Variants in BAZ2B observed in about 807,000 individuals in gnomAD.
BAZ2B encodes the protein bromodomain adjacent to zinc finger domain 2B, also known as bromodomain adjacent to zinc finger domain protein 2B.
A neutral mutation model predicts 246.0 loss-of-function variants in BAZ2B; 91 were observed. That is an observed-to-expected ratio of 0.37 (90% CI 0.31 to 0.44). The LOEUF is 0.44. Ranked by LOEUF, BAZ2B falls within the 20% of genes least tolerant of loss-of-function variation. BAZ2B has a pLI of 1.00. For missense variants in BAZ2B, 2,332 were observed against 2,533.7 expected (o/e 0.92, Z 1.71); for synonymous variants, 855 against 860.0 (o/e 0.99, Z 0.10).
intron 2 of BAZ2B, among the ~76,000 whole-genome samples, chr2:159,525,388 T>C (rs1399790809): frequency 6.6e-6 from 1 of 152,192 alleles, no homozygotes; most frequent in Admixed American, 6.5e-5. Flanking sequence ...AGGTTGAATA[T>C]CCAGAATTTG....
At chr2:159,601,834 T>C (rs1483396502) in intron 1 of BAZ2B, among the ~76,000 whole-genome samples, 2 of 152,194 alleles carry the variant, frequency 1.3e-5, no homozygotes, top group African/African-American at 4.8e-5. Context: ...CTAGAATCAT[T>C]TCCAAAGTCA....
At position 159,337,598 on chromosome 2, in the gene BAZ2B, G is replaced by T; in HGVS notation, c.5629C>A (p.Leu1877Met). 1 of 1,614,220 alleles carries T rather than the reference G, an allele frequency of 6.2e-7. No individual in the cohort carries two copies. Among genetic ancestry groups the T allele is most frequent in the Non-Finnish European group, 8.5e-7 (1 of 1,180,012 alleles). ...TCAATGTTCCGCTCCAAATCAGCCA[G>T]CCTGGTTACAGCTATATCTAGGGGG... ...DNPLDIAVTR[L>M]ADLERNIERR... Residue 1877 changes from leucine to methionine, a missense_variant, in exon 32 of 37, where the codon CTG becomes ATG. Around this residue, in one of 9 missense-constraint regions of BAZ2B, gnomAD observed 8 missense variants for 26.8 expected, o/e 0.30. Transcript: ENST00000392783.
rs1415647104 is a variant in BAZ2B at position 159,431,114 on chromosome 2, T to C, written c.1943A>G (p.Glu648Gly). ...NSESDTEGSE[E>G]EDDDDKDQDE... is the part of the protein sequence containing the mutation. ...TTGGTCTTTATCATCATCATCTTCT[T>C]CTTCTGATCCTTCTGTATCTGATTC... The change falls in exon 10 of 37, where the codon GAA (glutamate) becomes GGA (glycine). Residue 648 changes from glutamate (E) to glycine (G), a missense_variant. This residue lies in a region of BAZ2B where 651 missense variants were observed against 650.9 expected (regional missense o/e 1.00). Transcript: ENST00000392783. 6.2e-7 allele frequency: 1 copy of C among 1,612,182 alleles called. No individual in the cohort carries two copies. Among genetic ancestry groups the C allele is most frequent in the Non-Finnish European group, 8.5e-7 (1 of 1,178,518 alleles).
Position 159,350,149 on chromosome 2 carries a change from T to C in BAZ2B, c.4422A>G (p.Glu1474=), listed in dbSNP as rs1417425036. 1 of 1,613,970 alleles carries C rather than the reference T, an allele frequency of 6.2e-7. No homozygotes were observed. The highest frequency in any genetic ancestry group is 8.5e-7 in the Non-Finnish European group (1 of 1,180,002). ...GSFSKLSKLL[E]VAKMPPESEV... ...CTGACTCAGGAGGCATCTTAGCTAC[T>C]TCCAAAAGCTTGCTTAATTTGGAAA... Residue 1474 remains glutamate (E), a synonymous_variant, in exon 28 of 37, where the codon GAA becomes GAG. Coordinates refer to ENST00000392783, the MANE Select transcript of BAZ2B (RefSeq NM_013450.4).
chr2:159,680,133 G>T, the BAZ2B span, among the ~76,000 whole-genome samples: 1 of 152,166 alleles, frequency 6.6e-6, no homozygotes, highest in Non-Finnish European at 1.5e-5. Context: ...TGCTGGGGTA[G>T]TTCTGGACAG....
chr2:159,601,324 A>G lies in BAZ2B; in HGVS notation c.-46+14918T>C, dbSNP rs371895152. ...TTCAACTTCCTTTCCCGATTTTTAA[A>G]AAGTCTAAAGAATCACTTGCACCTG... On this transcript the variant is annotated intron_variant, in intron 1 of 36. Transcript: ENST00000392783. Among the ~76,000 whole-genome samples the G allele has an allele frequency of 5.3e-5, 8 of 152,270 alleles. No individual in the cohort carries two copies. The South Asian group carries it at 6.2e-4, about 12-fold the overall frequency.
At chr2:159,552,892 C>A (rs1043262482) in intron 2 of BAZ2B, among the ~76,000 whole-genome samples, 6 of 152,194 alleles carry the variant, frequency 3.9e-5, no homozygotes, top group Non-Finnish European at 5.9e-5. Flanking sequence ...TAGGGAAAAC[C>A]TCAGGGAGAT....
intron 1 of BAZ2B, among the ~76,000 whole-genome samples, chr2:159,610,484 G>A (rs1559900648): frequency 6.6e-6 from 1 of 152,108 alleles, no homozygotes; most frequent in Non-Finnish European, 1.5e-5. Context: ...GCATGTTTGT[G>A]GAAAAGTGTT....
At chr2:159,480,088 G>C (rs2079069471) in intron 2 of BAZ2B, among the ~76,000 whole-genome samples, 1 of 152,192 alleles carries the variant, frequency 6.6e-6, no homozygotes, top group Middle Eastern at 3.4e-3. Flanking sequence ...CTGTCTGATG[G>C]TAAGGCCCAT....
intron 13 of BAZ2B, among the ~76,000 whole-genome samples, chr2:159,426,795 A>T (rs1184746476): frequency 6.6e-6 from 1 of 152,092 alleles, no homozygotes; most frequent in Non-Finnish European, 1.5e-5. Context: ...AAGCTTCCAA[A>T]CTCAAAATAA....
At chr2:159,455,764 T>G (rs1050519378) in intron 3 of BAZ2B, among the ~76,000 whole-genome samples, 9 of 56,342 alleles carry the variant, frequency 1.6e-4, no homozygotes, top group African/African-American at 4.4e-4. Flanking sequence ...AATATTGTGG[T>G]TTTTTTTTTT....
the BAZ2B span, among the ~76,000 whole-genome samples, chr2:159,640,811 G>A: frequency 1.3e-5 from 2 of 150,188 alleles, no homozygotes; most frequent in African/African-American, 2.4e-5. Flanking sequence ...AGCATCATAA[G>A]ACAGGATGAA....
chr2:159,599,642 A>G (rs575395781), intron 1 of BAZ2B, among the ~76,000 whole-genome samples: 14 of 150,496 alleles, frequency 9.3e-5, no homozygotes, highest in African/African-American at 3.4e-4. Flanking sequence ...AAAAAAGAAA[A>G]AAAGAAATCT....
intron 27 of BAZ2B, among the ~76,000 whole-genome samples, chr2:159,369,272 G>A (rs1196948198): frequency 1.3e-5 from 2 of 152,116 alleles, no homozygotes; most frequent in African/African-American, 4.8e-5. Flanking sequence ...AGATGCAAGG[G>A]GAGGAATACA....
chr2:159,446,683 T>C (rs1007632693), intron 6 of BAZ2B, 99 bp downstream of exon 6: 1 of 1,166,694 alleles, frequency 8.6e-7, no homozygotes, highest in Non-Finnish European at 1.2e-6. Flanking sequence ...AGTTGGTAAT[T>C]CATAAGAAAT....
At chr2:159,328,382 T>TTGATATATATATATCAATATATATATTTG (rs1474506983) in intron 34 of BAZ2B, among the ~76,000 whole-genome samples, 1 of 152,186 alleles carries the variant, frequency 6.6e-6, no homozygotes, top group African/African-American at 2.4e-5. Context: ...AGTTTATATA[T>TTGATATATATATATCAATATATATATTTG]TGATAGAAGT....
At chr2:159,659,207 T>G in the BAZ2B span, among the ~76,000 whole-genome samples, 4 of 152,228 alleles carry the variant, frequency 2.6e-5, no homozygotes, top group South Asian at 4.1e-4. Context: ...AGAAGTTGCC[T>G]GTTTCAACAT....
intron 33 of BAZ2B, among the ~76,000 whole-genome samples, chr2:159,333,347 G>A (rs1289150032): frequency 1.3e-5 from 2 of 151,878 alleles, no homozygotes; most frequent in African/African-American, 4.8e-5. Flanking sequence ...GAAGTTAAGA[G>A]GTCATTATTT....
chr2:159,540,894 AG>A (rs1470974632), intron 2 of BAZ2B, among the ~76,000 whole-genome samples: 3 of 152,214 alleles, frequency 2.0e-5, no homozygotes, highest in African/African-American at 7.2e-5. Context: ...CTGTTTACTG[AG>A]AAGCAACAAG....
Sources: allele counts gnomAD v4.1 joint callset (sites outside exome capture counted in the v4.1 genomes callset), GRCh38; gene constraint gnomAD v4.1.1; regional missense constraint gnomAD v4.1.1; transcripts MANE v1.5; gene names NCBI Gene and HGNC (gene_info 2026-07-23, HGNC 2026-07-21).